Variants in PCDH15 observed in about 807,000 individuals in gnomAD.
The protein encoded by PCDH15 is protocadherin related 15.
A neutral mutation model predicts 178.5 loss-of-function variants in PCDH15; 129 were observed. That is an observed-to-expected ratio of 0.72 (90% CI 0.63 to 0.84). The LOEUF is 0.84. Ranked by LOEUF, PCDH15 falls within the 40% of genes least tolerant of loss-of-function variation. PCDH15 has a pLI of 0.00. For missense variants in PCDH15, 2,230 were observed against 2,099.9 expected (o/e 1.06, Z -1.21); for synonymous variants, 800 against 732.0 (o/e 1.09, Z -1.50).
intron 2 of PCDH15, among the ~76,000 whole-genome samples, chr10:54,647,557 G>C (rs112817744): frequency 3.3e-5 from 5 of 152,072 alleles, no homozygotes; most frequent in Non-Finnish European, 7.4e-5. Context: ...GGATTTGGCA[G>C]CATGAGCCAG....
chr10:54,186,921 A>C (rs755994776), intron 11 of PCDH15, among the ~76,000 whole-genome samples: 13 of 152,042 alleles, frequency 8.6e-5, no homozygotes, highest in South Asian at 4.1e-4. Flanking sequence ...TACACTTTAG[A>C]GTGAATTGTG....
chr10:55,059,051 G>A (rs1841370584), intron 2 of PCDH15, among the ~76,000 whole-genome samples: 1 of 152,168 alleles, frequency 6.6e-6, no homozygotes. Context: ...TCTAGAGCTG[G>A]AGCTAATTAC....
At chr10:55,031,032 A>T (rs552274529) in intron 2 of PCDH15, among the ~76,000 whole-genome samples, 9 of 152,276 alleles carry the variant, frequency 5.9e-5, no homozygotes, top group South Asian at 4.1e-4. Flanking sequence ...AAAATGCTCA[A>T]AGTAGGCACA....
chr10:55,436,930 G>C (rs752613052), intron 2 of PCDH15, among the ~76,000 whole-genome samples: 5 of 152,092 alleles, frequency 3.3e-5, no homozygotes, highest in Non-Finnish European at 5.9e-5. Context: ...TGTTAAAAAT[G>C]TTCTCGTTGA....
intron 1 of PCDH15, among the ~76,000 whole-genome samples, chr10:55,219,839 G>C (rs1326749654): frequency 6.7e-6 from 1 of 150,138 alleles, no homozygotes; most frequent in Non-Finnish European, 1.5e-5. Flanking sequence ...CAATATTGGA[G>C]GTGTTTCACA....
At chr10:53,814,962 CA>C (rs34460612) in intron 35 of PCDH15, among the ~76,000 whole-genome samples, 6,391 of 87,796 alleles carry the variant, frequency 0.073, 408 homozygotes, top group African/African-American at 0.2. Context: ...GAATCTGTCT[CA>C]AAAAAAAAAA....
intron 9 of PCDH15, among the ~76,000 whole-genome samples, chr10:54,215,001 TGAA>T (rs2134118358): frequency 6.6e-6 from 1 of 152,324 alleles, no homozygotes; most frequent in East Asian, 1.9e-4. Context: ...TTTCCCAAAA[TGAA>T]GAAGTCAAAT....
At chr10:54,480,068 T>C (rs12415777) in intron 3 of PCDH15, among the ~76,000 whole-genome samples, 19,984 of 152,122 alleles carry the variant, frequency 0.13, 1,442 homozygotes, top group East Asian at 0.28. Flanking sequence ...GATGAACAAG[T>C]CTACACACCA....
chr10:54,657,257 C>A (rs1433126446), intron 2 of PCDH15, among the ~76,000 whole-genome samples: 1 of 152,094 alleles, frequency 6.6e-6, no homozygotes, highest in African/African-American at 2.4e-5. Context: ...GGAAGCAGAT[C>A]ACATTCCTGT....
At chr10:54,503,264 T>TGTGTGTGTGTGTGTGA (rs35648214) in intron 3 of PCDH15, among the ~76,000 whole-genome samples, 3,406 of 137,320 alleles carry the variant, frequency 0.025, 98 homozygotes, top group East Asian at 0.063. Context: ...TGTGTGTGTG[T>TGTGTGTGTGTGTGTGA]GATTATATAT....
intron 2 of PCDH15, among the ~76,000 whole-genome samples, chr10:54,921,319 A>T (rs1238196025): frequency 7.7e-6 from 1 of 130,024 alleles, no homozygotes. Context: ...TTTTATTTTT[A>T]TTTATTTTTT....
chr10:54,887,655 AT>A (rs1954382347), intron 3 of PCDH15, among the ~76,000 whole-genome samples: 1 of 152,068 alleles, frequency 6.6e-6, no homozygotes, highest in South Asian at 2.1e-4. Context: ...GAAGAAATGC[AT>A]TTTTTTGAAA....
chr10:54,514,667 C>CAAAAAAAAAAAAAAAAAAAATT (rs5785078), intron 3 of PCDH15, among the ~76,000 whole-genome samples: 1 of 124,390 alleles, frequency 8.0e-6, no homozygotes, highest in Non-Finnish European at 1.8e-5. Flanking sequence ...AAATAGACTT[C>CAAAAAAAAAAAAAAAAAAAATT]AAAAAAAAAA....
chr10:53,888,339 T>TATATATGTCCGTAC (rs1564691439), intron 26 of PCDH15, among the ~76,000 whole-genome samples: 1 of 109,562 alleles, frequency 9.1e-6, no homozygotes, highest in Non-Finnish European at 1.8e-5. Context: ...TATGTACGTA[T>TATATATGTCCGTAC]ATATATATAC....
At chr10:54,280,479 T>C (rs2058625234) in intron 8 of PCDH15, among the ~76,000 whole-genome samples, 1 of 151,722 alleles carries the variant, frequency 6.6e-6, no homozygotes, top group Admixed American at 6.6e-5. Flanking sequence ...TTATTGTTGG[T>C]CTTCTTTCTT....
chr10:54,087,509 A>G (rs1404100975), intron 16 of PCDH15, among the ~76,000 whole-genome samples: 1 of 152,092 alleles, frequency 6.6e-6, no homozygotes, highest in Non-Finnish European at 1.5e-5. Context: ...GAGTAATATT[A>G]TATTATTACA....
chr10:55,622,478 G>C (rs999754466), intron 2 of PCDH15, among the ~76,000 whole-genome samples: 1 of 151,882 alleles, frequency 6.6e-6, no homozygotes, highest in African/African-American at 2.4e-5. Context: ...CATTTCTAAT[G>C]ATTTGTTCAT....
At chr10:54,718,512 C>G (rs566138728) in intron 1 of PCDH15, among the ~76,000 whole-genome samples, 1 of 151,812 alleles carries the variant, frequency 6.6e-6, no homozygotes, top group Non-Finnish European at 1.5e-5. Flanking sequence ...GCCAGAAGGA[C>G]CCTACAAATC....
At chr10:55,319,822 G>T (rs1014333917), upstream of PCDH15, among the ~76,000 whole-genome samples, 3 of 152,156 alleles carry the variant, frequency 2.0e-5, no homozygotes, top group Non-Finnish European at 4.4e-5. Context: ...GCAGAGTCCA[G>T]AGGGTTTGGT....
Sources: allele counts gnomAD v4.1 joint callset (sites outside exome capture counted in the v4.1 genomes callset), GRCh38; gene constraint gnomAD v4.1.1; transcripts MANE v1.5; gene names NCBI Gene and HGNC (gene_info 2026-07-23, HGNC 2026-07-21).